Variants in PRCP observed in about 807,000 individuals in gnomAD.
PRCP encodes the protein prolylcarboxypeptidase.
In PRCP, 46 loss-of-function variants were observed where a neutral mutation model predicts 54.2. That is an observed-to-expected ratio of 0.85 (90% confidence interval 0.67 to 1.09). The LOEUF is 1.09. Among genes scored for constraint, PRCP ranks in the 50% least tolerant of loss-of-function variants. The pLI, the probability that PRCP is intolerant of heterozygous loss-of-function variation, is 0.00. For missense variants in PRCP, 613 were observed against 596.8 expected, an observed-to-expected ratio of 1.03 and a Z score of -0.28; for synonymous variants, 240 against 212.2, an observed-to-expected ratio of 1.13 and a Z score of -1.14.
chr11:82,892,507 A>G (rs1440890937), intron 1 of PRCP, among the ~76,000 whole-genome samples: 1 of 152,214 alleles, frequency 6.6e-6, no homozygotes, highest in Admixed American at 6.5e-5. Flanking sequence ...ATTCTTTTTA[A>G]TTAACAATTA....
intron 6 of PRCP, among the ~76,000 whole-genome samples, chr11:82,841,479 A>G (rs1364202031): frequency 6.6e-6 from 1 of 152,216 alleles, no homozygotes; most frequent in Non-Finnish European, 1.5e-5. Flanking sequence ...ATATAATCTC[A>G]GATGATTTCT....
At chr11:82,875,064 G>A (rs1859573917) in intron 1 of PRCP, among the ~76,000 whole-genome samples, 1 of 151,798 alleles carries the variant, frequency 6.6e-6, no homozygotes, top group African/African-American at 2.4e-5. Context: ...AGAATCTGTT[G>A]AACACACCAT....
In PRCP at chr11:82,878,676, G is replaced by T. The variant is rs1480528525; in HGVS notation, c.169-18559C>A. Among the ~76,000 whole-genome samples the T allele has an allele frequency of 3.9e-5, 6 of 152,320 alleles. No individual in the cohort carries two copies. The East Asian group carries it at 1.2e-3, about 29-fold the overall frequency. ...ATTCAGCATGTTTTTGCAGTGGCTA[G>T]TACCGGTTGTTCCTTTCCAAGTTTA... On this transcript the variant is annotated intron_variant, in intron 1 of 8. Transcript: ENST00000313010.
At chr11:82,860,753 C>T (rs1016950767) in intron 1 of PRCP, among the ~76,000 whole-genome samples, 6 of 151,926 alleles carry the variant, frequency 3.9e-5, no homozygotes, top group African/African-American at 1.5e-4. Flanking sequence ...ACCTTGTCAC[C>T]CCAGCACACC....
chr11:82,874,036 A>T (rs764995456), intron 1 of PRCP, among the ~76,000 whole-genome samples: 4 of 152,212 alleles, frequency 2.6e-5, no homozygotes, highest in Non-Finnish European at 5.9e-5. Flanking sequence ...ATTGTTTTGC[A>T]CATTCATCCG....
intron 1 of PRCP, among the ~76,000 whole-genome samples, chr11:82,873,523 T>C (rs969080419): frequency 1.3e-5 from 2 of 152,236 alleles, no homozygotes; most frequent in Non-Finnish European, 2.9e-5. Flanking sequence ...AAGAAATTGA[T>C]AGAAGGTAAT....
chr11:82,899,292 C>G lies in PRCP; in HGVS notation c.168+943G>C, dbSNP rs988589322. ...CTCTGCTAAGAGTACGTTATCTGCT[C>G]TCATTCAACCATCACCACAAACCCC... On this transcript the variant is annotated intron_variant, in intron 1 of 8. Coordinates refer to ENST00000313010, the MANE Select transcript of PRCP (RefSeq NM_005040.4). 6.6e-5 allele frequency among the ~76,000 whole-genome samples: 10 copies of G among 152,296 alleles called. No individual in the cohort carries two copies. In the East Asian group the frequency reaches 1.7e-3, roughly 26 times the overall value.
chr11:82,891,616 C>T (rs1353150556), intron 1 of PRCP, among the ~76,000 whole-genome samples: 2 of 152,104 alleles, frequency 1.3e-5, no homozygotes, highest in East Asian at 3.9e-4. Context: ...GCATGTCCCT[C>T]CAGACATACC....
At chr11:82,831,824 A>G (rs1858391625) in intron 8 of PRCP, among the ~76,000 whole-genome samples, 1 of 152,160 alleles carries the variant, frequency 6.6e-6, no homozygotes, top group South Asian at 2.1e-4. Flanking sequence ...GCAGGCATCA[A>G]CCTGTCATCT....
At chr11:82,891,981 A>C (rs775523928) in intron 1 of PRCP, among the ~76,000 whole-genome samples, 5 of 152,206 alleles carry the variant, frequency 3.3e-5, no homozygotes. Context: ...ATATTTACAA[A>C]TGGGATATTT....
Position 82,849,986 on chromosome 11 carries a change from T to C in PRCP, c.679A>G (p.Arg227Gly), listed in dbSNP as rs1287194557. The change falls in exon 5 of 9, where the codon AGG (arginine) becomes GGG (glycine). Residue 227 changes from arginine to glycine, a missense_variant. Transcript: ENST00000313010. ...TCTGAACAATGTGGACCGCTTTTCC[T>C]AAAATCTGTAGTTACGATCTTCATA... ...VFMKIVTTDF[R>G]KSGPHCSESI... The C allele has an allele frequency of 6.4e-6, 10 of 1,560,576 alleles. No homozygotes were observed. The highest frequency in any genetic ancestry group is 7.8e-6 in the Non-Finnish European group (9 of 1,152,244).
At chr11:82,882,451 G>A (rs1859769316) in intron 1 of PRCP, among the ~76,000 whole-genome samples, 1 of 151,778 alleles carries the variant, frequency 6.6e-6, no homozygotes, top group African/African-American at 2.4e-5. Flanking sequence ...CATTCTGTAG[G>A]CACTCACTAC....
At chr11:82,833,495 G>A (rs1858442545) in intron 8 of PRCP, among the ~76,000 whole-genome samples, 1 of 152,158 alleles carries the variant, frequency 6.6e-6, no homozygotes, top group African/African-American at 2.4e-5. Flanking sequence ...ACTGTTGGTG[G>A]GAGTGTAAAT....
intron 1 of PRCP, among the ~76,000 whole-genome samples, chr11:82,888,894 C>A (rs1859930528): frequency 6.6e-6 from 1 of 152,118 alleles, no homozygotes; most frequent in Non-Finnish European, 1.5e-5. Context: ...CTAGGAAAAA[C>A]AATGTCACAT....
At chr11:82,837,438 G>A (rs113163487) in intron 8 of PRCP, among the ~76,000 whole-genome samples, 365 of 152,310 alleles carry the variant, frequency 2.4e-3, no homozygotes, top group African/African-American at 8.3e-3. Context: ...AGAGAAATGC[G>A]ACATGGGGTA....
intron 1 of PRCP, among the ~76,000 whole-genome samples, chr11:82,894,245 A>G (rs1054842809): frequency 6.6e-6 from 1 of 152,328 alleles, no homozygotes; most frequent in East Asian, 1.9e-4. Flanking sequence ...ACAATGTTTT[A>G]TTATATTATA....
chr11:82,898,159 T>C (rs956002520), intron 1 of PRCP, among the ~76,000 whole-genome samples: 5 of 152,080 alleles, frequency 3.3e-5, no homozygotes, highest in Non-Finnish European at 7.4e-5. Flanking sequence ...TAAAACTCAA[T>C]TGGAATAGAC....
intron 3 of PRCP, 79 bp from the exon 4 acceptor site, chr11:82,850,584 G>T: frequency 8.9e-7 from 1 of 1,129,464 alleles, no homozygotes; most frequent in Non-Finnish European, 1.2e-6. Context: ...CCAGAAGAGA[G>T]CCAGTGTCAG....
intron 8 of PRCP, among the ~76,000 whole-genome samples, chr11:82,837,390 A>C (rs927901114): frequency 4.6e-5 from 7 of 152,216 alleles, no homozygotes; most frequent in African/African-American, 1.7e-4. Flanking sequence ...GCAATGCTCA[A>C]GCTGGTGATA....
Sources: gnomAD v4.1 joint callset for allele counts (sites outside exome capture counted in the v4.1 genomes callset) on GRCh38, gnomAD v4.1.1 for gene constraint, MANE v1.5 for transcripts, NCBI Gene and HGNC (gene_info 2026-07-23, HGNC 2026-07-21) for gene names.